The following RGS6 variants were observed in gnomAD, a reference collection of about 807,000 sequenced individuals.
RGS6 encodes regulator of G-protein signaling 6.
A neutral mutation model predicts 78.5 loss-of-function variants in RGS6; 30 were observed. That is an observed-to-expected ratio of 0.38 (90% CI 0.29 to 0.52). RGS6 has a LOEUF of 0.52. RGS6 is among the 20% of genes least tolerant of loss of function. RGS6 has a pLI of 0.85. For synonymous variants in RGS6, 206 were observed against 206.0 expected (o/e 1.00, Z 0.00); for missense variants, 495 against 609.7 (o/e 0.81, Z 1.98).
At chr14:72,537,301 C>G (rs886586981) in intron 16 of RGS6, among the ~76,000 whole-genome samples, 1 of 152,222 alleles carries the variant, frequency 6.6e-6, no homozygotes, top group African/African-American at 2.4e-5. Flanking sequence ...GCCACGCAAG[C>G]CTTCTCTCTG....
At chr14:71,954,505 G>C (rs1419612568) in intron 1 of RGS6, among the ~76,000 whole-genome samples, 1 of 152,084 alleles carries the variant, frequency 6.6e-6, no homozygotes, top group African/African-American at 2.4e-5. Context: ...CTTGATACAG[G>C]TATGCAATGC....
chr14:72,597,748 C>A, the RGS6 span, among the ~76,000 whole-genome samples: 1 of 152,246 alleles, frequency 6.6e-6, no homozygotes, highest in African/African-American at 2.4e-5. Flanking sequence ...TGGACTCAGT[C>A]TTTGTGTGTT....
Position 72,564,832 on chromosome 14 carries a change from G to T in RGS6, c.*2365G>T, listed in dbSNP as rs2097702415. ...CAAGCACCTCTGGGGACATCCAGAG[G>T]GGAGGGTCAGTAAGCACAACGGAGC... On this transcript the variant is annotated 3_prime_UTR_variant, in exon 18 of 18. Transcript: ENST00000553525. 6.6e-6 allele frequency: 1 copy of T among 152,314 alleles called. No individual in the cohort carries two copies. 9.4% of individuals were successfully genotyped at this position (152,314 alleles called of 1,614,324 possible). A position where few individuals can be genotyped will look rare whatever the true frequency, so the allele number is the denominator to read the frequency against.
chr14:72,163,801 T>G (rs2096886076), intron 2 of RGS6, among the ~76,000 whole-genome samples: 1 of 150,666 alleles, frequency 6.6e-6, no homozygotes, highest in Admixed American at 6.6e-5. Context: ...GAGAATCACT[T>G]GAATCTGGGA....
rs1055330972 is a variant in RGS6, at chr14:71,932,601, G to A, written c.-361G>A. The A allele has an allele frequency of 1.3e-5, 2 of 152,296 alleles. No individual in the cohort carries two copies. Among genetic ancestry groups the A allele is most frequent in the Admixed American group, 1.3e-4 (2 of 15,302 alleles). 9.4% of individuals were successfully genotyped at this position (152,296 alleles called of 1,614,324 possible). On this transcript the variant is annotated 5_prime_UTR_variant, in exon 1 of 18. Coordinates refer to ENST00000553525, the MANE Select transcript of RGS6 (RefSeq NM_001204424.2). ...GGGCAGAGGCGGGCAAGCGGCGAACGCCTGGGAGCGCGGAGAGCCAGGCCA... is the reference window on the plus strand; with the variant it reads ...GGGCAGAGGCGGGCAAGCGGCGAACACCTGGGAGCGCGGAGAGCCAGGCCA...
chr14:72,093,033 A>AGTGT (rs10567555), intron 2 of RGS6, among the ~76,000 whole-genome samples: 19 of 149,662 alleles, frequency 1.3e-4, no homozygotes, highest in South Asian at 4.3e-4. Context: ...ACATACCAAA[A>AGTGT]GTGTGTGTGT....
chr14:72,308,028 T>G (rs1164312602), intron 2 of RGS6, among the ~76,000 whole-genome samples: 3 of 152,202 alleles, frequency 2.0e-5, no homozygotes, highest in Non-Finnish European at 2.9e-5. Context: ...GCTGCTGATT[T>G]CTAGATATGA....
At chr14:71,930,509 A>G (rs113971342), upstream of RGS6, among the ~76,000 whole-genome samples, 225 of 152,322 alleles carry the variant, frequency 1.5e-3, no homozygotes, top group Middle Eastern at 0.01. Context: ...TAATACACAA[A>G]ATGTATCAAT....
the RGS6 span, among the ~76,000 whole-genome samples, chr14:72,583,574 G>C: frequency 6.6e-6 from 1 of 152,188 alleles, no homozygotes; most frequent in Non-Finnish European, 1.5e-5. Context: ...CTTCTGAGCT[G>C]GTGTTTGCTG....
intron 15 of RGS6, among the ~76,000 whole-genome samples, chr14:72,522,072 T>C (rs1260251446): frequency 1.3e-5 from 2 of 152,254 alleles, no homozygotes; most frequent in East Asian, 1.9e-4. Flanking sequence ...CTCAGGCTGC[T>C]ACCACAAAAT....
At position 72,310,662 on chromosome 14, in the gene RGS6, A is replaced by C. The variant is rs113152515; in HGVS notation, c.85-41433A>C. ...CTGAAAGCAGAGGCTCTGCTTGTGG[A>C]TTCTGCAGTGAAGGCTGGAGTCACA... is the stretch of plus-strand genomic sequence containing the variant. On this transcript the variant is annotated intron_variant, in intron 2 of 17. Transcript: ENST00000553525. Among the ~76,000 whole-genome samples the C allele has an allele frequency of 9.4e-3, 1,437 of 152,302 alleles. 12 individuals are homozygous for C. Among genetic ancestry groups the C allele is most frequent in the South Asian group, 0.023 (113 of 4,824 alleles).
At chr14:72,191,114 A>G (rs1317283440) in intron 2 of RGS6, among the ~76,000 whole-genome samples, 1 of 152,240 alleles carries the variant, frequency 6.6e-6, no homozygotes, top group Non-Finnish European at 1.5e-5. Context: ...AAAACTAATA[A>G]TGTGATCCTC....
chr14:72,566,629 TCACACACACACACACACACACACA>T (rs58800255), downstream of RGS6: 2,838 of 105,906 alleles, frequency 0.027, 81 homozygotes, highest in Admixed American at 0.056. Flanking sequence ...TTCCCCATTA[TCACACACACACACACACACACACA>T]CACACACACA....
chr14:72,468,550 G>GAATA (rs2095987317), intron 7 of RGS6, among the ~76,000 whole-genome samples: 1 of 152,048 alleles, frequency 6.6e-6, no homozygotes, highest in Admixed American at 6.6e-5. Flanking sequence ...AGAAAGGAGA[G>GAATA]AATATAACCT....
At chr14:72,345,507 G>A (rs2681732) in intron 2 of RGS6, among the ~76,000 whole-genome samples, 44,712 of 152,048 alleles carry the variant, frequency 0.29, 6,769 homozygotes, top group South Asian at 0.42. Flanking sequence ...CTTTGAATGG[G>A]ATGATAAAAG....
intron 2 of RGS6, among the ~76,000 whole-genome samples, chr14:71,977,849 T>C (rs2094220666): frequency 6.6e-6 from 1 of 152,118 alleles, no homozygotes; most frequent in Admixed American, 6.5e-5. Flanking sequence ...TAAATTACCT[T>C]GGGCAGTATG....
At chr14:72,136,826 G>C (rs2096451448) in intron 2 of RGS6, among the ~76,000 whole-genome samples, 1 of 152,178 alleles carries the variant, frequency 6.6e-6, no homozygotes, top group Admixed American at 6.5e-5. Context: ...GGAGTATGCT[G>C]TCCATCAAAT....
intron 3 of RGS6, among the ~76,000 whole-genome samples, chr14:72,354,763 A>G (rs1254498235): frequency 1.3e-5 from 2 of 152,170 alleles, no homozygotes; most frequent in Non-Finnish European, 2.9e-5. Context: ...ATTTCAATAT[A>G]TGAATTTGGA....
At chr14:72,017,502 C>T (rs2087297849) in intron 2 of RGS6, among the ~76,000 whole-genome samples, 1 of 152,164 alleles carries the variant, frequency 6.6e-6, no homozygotes, top group Non-Finnish European at 1.5e-5. Context: ...AACACAGCCA[C>T]ATCCATGTTG....
Sources: gnomAD v4.1 joint callset for allele counts (sites outside exome capture counted in the v4.1 genomes callset) on GRCh38, gnomAD v4.1.1 for gene constraint, MANE v1.5 for transcripts, NCBI Gene and HGNC (gene_info 2026-07-23, HGNC 2026-07-21) for gene names.